The following MED26 variants were observed in gnomAD, a reference collection of about 807,000 sequenced individuals.
MED26 encodes the protein mediator complex subunit 26.
In MED26, 7 loss-of-function variants were observed where a neutral mutation model predicts 43.7. That is an observed-to-expected ratio of 0.16 (90% CI 0.09 to 0.30). The LOEUF (loss-of-function observed/expected upper bound fraction) is 0.30, where lower values mean the gene tolerates loss of function less well. Among genes scored for constraint, MED26 ranks in the 10% least tolerant of loss-of-function variants. MED26 has a pLI of 1.00. For missense variants in MED26, 784 were observed against 840.6 expected (o/e 0.93, Z 0.83); for synonymous variants, 375 against 371.1 (o/e 1.01, Z -0.12).
rs369928315 is a variant in MED26, at chr19:16,582,950, C to G, written c.73-4541G>C. 5.1e-4 allele frequency among the ~76,000 whole-genome samples: 77 copies of G among 152,338 alleles called. 1 individual carries two copies. Among genetic ancestry groups the G allele is most frequent in the African/African-American group, 1.8e-3 (74 of 41,564 alleles). On this transcript the variant is annotated intron_variant, in intron 1 of 2. Transcript: ENST00000263390. ...GCTCCTTCACAACCTGTCTTCTATC[C>G]CCCTTAGCGACTGCCCCCACAGACC...
In MED26 at chr19:16,587,129, C is replaced by T. The variant is rs1020718944; in HGVS notation, c.73-8720G>A. The T allele has an allele frequency of 6.6e-6, 1 of 151,834 alleles. No homozygotes were observed. The highest frequency in any genetic ancestry group is 1.5e-5 in the Non-Finnish European group (1 of 67,962). 9.4% of individuals were successfully genotyped at this position (151,834 alleles called of 1,614,324 possible). A position where few individuals can be genotyped will look rare whatever the true frequency, so the allele number is the denominator to read the frequency against. On this transcript the variant is annotated intron_variant, in intron 1 of 2. Transcript: ENST00000263390. This position sits in a 1 kb window ranked among gnomAD's most constrained non-coding sequence, Gnocchi z 4.9. ...ACCTCGCCCACCCCCCAACCCCCAA[C>T]ACACAGTCGTGTCTGCTGAGGACAC... is the stretch of plus-strand genomic sequence containing the variant.
At chr19:16,600,823 A>G (rs1198281511) in intron 1 of MED26, among the ~76,000 whole-genome samples, 2 of 152,186 alleles carry the variant, frequency 1.3e-5, no homozygotes. Context: ...GGCCGGGAGC[A>G]GTGGCTGACA....
At chr19:16,626,244 G>A (rs1006142039) in intron 1 of MED26, among the ~76,000 whole-genome samples, 4 of 152,122 alleles carry the variant, frequency 2.6e-5, no homozygotes, top group African/African-American at 9.7e-5. Context: ...CTCTCCAGAA[G>A]GAAAGCGAGT....
intron 1 of MED26, among the ~76,000 whole-genome samples, chr19:16,582,077 C>T (rs2086048621): frequency 6.6e-6 from 1 of 152,274 alleles, no homozygotes; most frequent in Non-Finnish European, 1.5e-5. Flanking sequence ...GAGACTGGAG[C>T]TGACTTCTGA....
chr19:16,619,048 G>C (rs1446351463), intron 1 of MED26, among the ~76,000 whole-genome samples: 1 of 152,212 alleles, frequency 6.6e-6, no homozygotes, highest in African/African-American at 2.4e-5. Flanking sequence ...CTAAGCTCCT[G>C]CCACCAGCAC....
chr19:16,620,242 C>T (rs1345128204), intron 1 of MED26, among the ~76,000 whole-genome samples: 1 of 152,168 alleles, frequency 6.6e-6, no homozygotes, highest in African/African-American at 2.4e-5. Flanking sequence ...AGCAAGTGCC[C>T]ACTGGCCTCT....
intron 1 of MED26, among the ~76,000 whole-genome samples, chr19:16,605,191 T>C (rs991231618): frequency 2.0e-5 from 3 of 152,236 alleles, no homozygotes; most frequent in Non-Finnish European, 4.4e-5. Context: ...AAGACAGACA[T>C]AACTGTTTAA....
At chr19:16,583,152 G>T (rs909459715) in intron 1 of MED26, among the ~76,000 whole-genome samples, 13 of 152,268 alleles carry the variant, frequency 8.5e-5, no homozygotes, top group African/African-American at 3.1e-4. Context: ...GGCCATGTCT[G>T]TGGCCCGATG....
intron 1 of MED26, among the ~76,000 whole-genome samples, chr19:16,584,531 G>A (rs1286054614): frequency 2.0e-5 from 3 of 152,144 alleles, no homozygotes; most frequent in African/African-American, 7.2e-5. Context: ...AAGCAGCCTG[G>A]GTCAGGCGCC....
At position 16,587,879 on chromosome 19, in the gene MED26, G is replaced by A. The variant is rs866722872; in HGVS notation, c.73-9470C>T. 9 of 152,298 alleles carry A rather than the reference G, an allele frequency of 5.9e-5. No individual in the cohort carries two copies. Among genetic ancestry groups the A allele is most frequent in the Non-Finnish European group, 1.3e-4 (9 of 68,062 alleles). The allele number at this position is 152,298 out of a possible 1,614,324, so 9.4% of individuals were successfully genotyped here. On this transcript the variant is annotated intron_variant, in intron 1 of 2. Transcript: ENST00000263390. The surrounding 1 kb of genome is among the most constrained non-coding windows in gnomAD (Gnocchi z 4.9). The stretch of plus-strand genomic sequence containing the variant: ...AGGAAGCCCAGGGCTTGGGGCAGAA[G>A]TAGGAGCTCCATCAGTAGGCATGCC...
chr19:16,594,870 G>A (rs749036821), intron 1 of MED26, among the ~76,000 whole-genome samples: 13 of 152,094 alleles, frequency 8.5e-5, no homozygotes, highest in Non-Finnish European at 1.3e-4. Flanking sequence ...GCTGGCTCTG[G>A]ACCCTACCTG....
intron 1 of MED26, among the ~76,000 whole-genome samples, chr19:16,596,098 C>G (rs1195069612): frequency 6.6e-6 from 1 of 152,164 alleles, no homozygotes; most frequent in East Asian, 1.9e-4. Flanking sequence ...GCAGCTTCGA[C>G]CTCACTTGAG....
rs570505783 is a variant in MED26 at position 16,575,847 on chromosome 19, A to G, written c.*180T>C. On this transcript the variant is annotated 3_prime_UTR_variant, in exon 3 of 3. Coordinates refer to ENST00000263390, the MANE Select transcript of MED26 (RefSeq NM_004831.5). The stretch of plus-strand genomic sequence containing the variant: ...TAAACTGGTAGCAGCATTTCACAAA[A>G]AGAGTTTTGAGGGAAGAGCGCAGAG... The G allele has an allele frequency of 1.4e-4, 85 of 602,588 alleles. No individual in the cohort carries two copies. Among genetic ancestry groups the G allele is most frequent in the East Asian group, 8.6e-4 (31 of 36,036 alleles). The allele number at this position is 602,588 out of a possible 1,614,324, so 37.3% of individuals were successfully genotyped here.
At chr19:16,618,873 A>C (rs2086238005) in intron 1 of MED26, among the ~76,000 whole-genome samples, 1 of 152,232 alleles carries the variant, frequency 6.6e-6, no homozygotes, top group African/African-American at 2.4e-5. Context: ...GCTTCCAGCA[A>C]AGAGTCGGGA....
Position 16,576,619 on chromosome 19 carries a change from A to G in MED26, c.1211T>C (p.Val404Ala). The G allele has an allele frequency of 6.2e-7, 1 of 1,613,472 alleles. No homozygotes were observed. Among genetic ancestry groups the G allele is most frequent in the South Asian group, 1.1e-5 (1 of 91,000 alleles). Residue 404 changes from valine to alanine, a missense_variant, in exon 3 of 3, where the codon GTT becomes GCT. Coordinates refer to ENST00000263390, the MANE Select transcript of MED26 (RefSeq NM_004831.5). This position sits in a 1 kb window ranked among gnomAD's most constrained non-coding sequence, Gnocchi z 6.8. ...KKRYRPRDYT[V>A]NLDGQVAEAG... ...CTCAGCCACCTGCCCGTCCAAGTTA[A>G]CCGTATAGTCTCGAGGTCGGTACCT...
rs560937776 is a variant in MED26 at position 16,578,504 on chromosome 19, C to G, written c.73-95G>C. ...AGCCTGCTCCAGTCTCTCCCCAACC[C>G]CAGAGCAAGAGGAGCCAGCAGCACT... On this transcript the variant is annotated intron_variant, in intron 1 of 2. Transcript: ENST00000263390. 158 of 1,191,040 alleles carry G rather than the reference C, an allele frequency of 1.3e-4. No homozygotes were observed. The African/African-American group carries it at 2.2e-3, about 17-fold the overall frequency. The allele number at this position is 1,191,040 out of a possible 1,614,324, so 73.8% of individuals were successfully genotyped here.
intron 1 of MED26, among the ~76,000 whole-genome samples, chr19:16,590,583 C>G (rs932303307): frequency 7.2e-5 from 11 of 152,160 alleles, no homozygotes; most frequent in African/African-American, 2.7e-4. Context: ...GTTGATTACA[C>G]ACATTTTCAA....
At chr19:16,606,756 T>C (rs541089035) in intron 1 of MED26, among the ~76,000 whole-genome samples, 2 of 152,238 alleles carry the variant, frequency 1.3e-5, no homozygotes, top group South Asian at 2.1e-4. Context: ...GGGCTGCTCG[T>C]TTCCCAGGGG....
chr19:16,607,261 C>T (rs554692079), intron 1 of MED26, among the ~76,000 whole-genome samples: 1 of 151,822 alleles, frequency 6.6e-6, no homozygotes, highest in East Asian at 1.9e-4. Flanking sequence ...GTCCCAGCTA[C>T]TCAGGATGCT....
Sources: allele counts gnomAD v4.1 joint callset (sites outside exome capture counted in the v4.1 genomes callset), GRCh38; gene constraint gnomAD v4.1.1; non-coding constraint Gnocchi (gnomAD v3.1); transcripts MANE v1.5; gene names NCBI Gene and HGNC (gene_info 2026-07-23, HGNC 2026-07-21).